The following CLVS1 variants were observed in gnomAD, a reference collection of about 807,000 sequenced individuals.
The protein encoded by CLVS1 is clavesin-1.
Under a neutral mutation model 33.1 loss-of-function variants are expected in CLVS1, and 10 were observed. The observed-to-expected ratio is 0.30, with a 90% confidence interval of 0.19 to 0.51. The LOEUF is 0.51. Among genes scored for constraint, CLVS1 ranks in the 20% least tolerant of loss-of-function variants. The probability of loss-of-function intolerance (pLI) is 0.97; values close to 1 mark genes in which losing one functional copy is unlikely to be tolerated. For synonymous variants in CLVS1, 163 were observed against 166.1 expected, an observed-to-expected ratio of 0.98 and a Z score of 0.14; for missense variants, 343 against 433.4, an observed-to-expected ratio of 0.79 and a Z score of 1.85.
At chr8:61,034,461 A>G in the CLVS1 span, among the ~76,000 whole-genome samples, 1 of 152,040 alleles carries the variant, frequency 6.6e-6, no homozygotes, top group African/African-American at 2.4e-5. Context: ...CATGCTGTGC[A>G]ATATATCTCA....
the CLVS1 span, among the ~76,000 whole-genome samples, chr8:60,988,950 G>T: frequency 5.3e-5 from 8 of 151,846 alleles, no homozygotes; most frequent in Admixed American, 3.3e-4. Flanking sequence ...CCACAGCCTT[G>T]ATCTCCCAGC....
chr8:61,289,491 T>C (rs369644833), intron 1 of CLVS1, among the ~76,000 whole-genome samples: 7 of 152,346 alleles, frequency 4.6e-5, no homozygotes, highest in East Asian at 3.9e-4. Context: ...TGGGTGTTCA[T>C]TTAATTGATT....
At chr8:61,122,496 T>C (rs1805891155) in intron 1 of CLVS1, among the ~76,000 whole-genome samples, 2 of 151,792 alleles carry the variant, frequency 1.3e-5, no homozygotes, top group South Asian at 4.2e-4. Context: ...AGCTTTTGGC[T>C]CACCTTACTT....
chr8:61,121,106 G>T (rs1314077061), intron 1 of CLVS1, among the ~76,000 whole-genome samples: 1 of 151,870 alleles, frequency 6.6e-6, no homozygotes, highest in African/African-American at 2.4e-5. Flanking sequence ...TGGGAAAAGC[G>T]CAGTATTCGG....
intron 5 of CLVS1, among the ~76,000 whole-genome samples, chr8:61,497,147 G>A (rs908776695): frequency 1.3e-5 from 2 of 152,102 alleles, no homozygotes; most frequent in African/African-American, 4.8e-5. Flanking sequence ...ACCCTTTTCT[G>A]TATTTGATAA....
intron 1 of CLVS1, among the ~76,000 whole-genome samples, chr8:61,066,534 A>G (rs1302354021): frequency 6.6e-6 from 1 of 152,124 alleles, no homozygotes; most frequent in Non-Finnish European, 1.5e-5. Context: ...TCCTAGATTG[A>G]TGGCTATAAA....
chr8:61,228,303 C>G (rs1808371016), intron 2 of CLVS1, among the ~76,000 whole-genome samples: 1 of 152,148 alleles, frequency 6.6e-6, no homozygotes, highest in South Asian at 2.1e-4. Context: ...AAGTACTTAT[C>G]ATTTTTGTGT....
intron 1 of CLVS1, among the ~76,000 whole-genome samples, chr8:61,130,567 G>A (rs1806075232): frequency 6.6e-6 from 1 of 152,178 alleles, no homozygotes; most frequent in Non-Finnish European, 1.5e-5. Context: ...GAGAAAATAT[G>A]TTTCTAAAAT....
At chr8:61,205,130 T>C (rs147034828) in intron 2 of CLVS1, among the ~76,000 whole-genome samples, 2 of 152,348 alleles carry the variant, frequency 1.3e-5, no homozygotes, top group Non-Finnish European at 2.9e-5. Flanking sequence ...TATTTAAAAA[T>C]TGTGGTTAAA....
At chr8:61,470,204 A>T (rs4487757) in intron 5 of CLVS1, among the ~76,000 whole-genome samples, 34,574 of 152,158 alleles carry the variant, frequency 0.23, 6,335 homozygotes, top group African/African-American at 0.51. Flanking sequence ...TACAAGCACA[A>T]CCTGTACAGC....
chr8:61,386,378 C>T (rs548162965), intron 3 of CLVS1, among the ~76,000 whole-genome samples: 1 of 152,248 alleles, frequency 6.6e-6, no homozygotes, highest in South Asian at 2.1e-4. Context: ...TGTAATTTTA[C>T]CTATACAGAA....
At chr8:61,365,778 T>C (rs202023784) in intron 2 of CLVS1, among the ~76,000 whole-genome samples, 5,369 of 112,428 alleles carry the variant, frequency 0.048, 175 homozygotes, top group East Asian at 0.25. Flanking sequence ...TGTGTGTGCG[T>C]GTGTGTGTGT....
chr8:61,270,331 T>A (rs1809408935), intron 2 of CLVS1, among the ~76,000 whole-genome samples: 1 of 152,254 alleles, frequency 6.6e-6, no homozygotes, highest in Non-Finnish European at 1.5e-5. Context: ...GATTTGCGTA[T>A]ATTGAACCAG....
At chr8:61,155,833 G>T (rs568850075) in intron 2 of CLVS1, among the ~76,000 whole-genome samples, 2 of 152,262 alleles carry the variant, frequency 1.3e-5, no homozygotes, top group South Asian at 2.1e-4. Context: ...ACACCTTAAA[G>T]GTCCCACAGA....
chr8:61,170,640 C>T lies in CLVS1; in HGVS notation c.-152+38780C>T, dbSNP rs1806975088. Among the ~76,000 whole-genome samples, 3 of 152,260 alleles carry T rather than the reference C, an allele frequency of 2.0e-5. No individual in the cohort carries two copies. The South Asian group carries it at 6.2e-4, about 32-fold the overall frequency. ...GAATAACCCTGGGTGATCCAAGCAT[C>T]CTCTCTGAGCCTTGACATCCTTACT... is the stretch of plus-strand genomic sequence containing the variant. On this transcript the variant is annotated intron_variant, in intron 2 of 2. Transcript: ENST00000522621.
rs1352838977 is a variant in CLVS1 at position 61,100,626 on chromosome 8, C to A, written c.-242-31144C>A. On this transcript the variant is annotated intron_variant, in intron 1 of 2. Transcript: ENST00000522621. ...TATAATCAATGGCTTTTAGTATATT[C>A]ACAGATTTGTGTAATCATTCACCAC... is the stretch of plus-strand genomic sequence containing the variant. Among the ~76,000 whole-genome samples, 3 of 152,096 alleles carry A rather than the reference C, an allele frequency of 2.0e-5. No homozygotes were observed. In the South Asian group the frequency reaches 6.2e-4, roughly 32 times the overall value.
intron 3 of CLVS1, among the ~76,000 whole-genome samples, chr8:61,396,577 A>G (rs1814535998): frequency 6.6e-6 from 1 of 152,186 alleles, no homozygotes; most frequent in Non-Finnish European, 1.5e-5. Context: ...TAAAGTGCAC[A>G]GTTAGTGCTT....
intron 2 of CLVS1, among the ~76,000 whole-genome samples, chr8:61,247,657 T>C (rs983807067): frequency 6.6e-6 from 1 of 152,216 alleles, no homozygotes; most frequent in African/African-American, 2.4e-5. Flanking sequence ...TTTTCTCTTA[T>C]ACATTTGTTT....
At chr8:61,372,738 T>G (rs1813490628) in intron 2 of CLVS1, among the ~76,000 whole-genome samples, 1 of 152,196 alleles carries the variant, frequency 6.6e-6, no homozygotes, top group Admixed American at 6.5e-5. Context: ...TTGATAAACT[T>G]GACAATTTTG....
Sources: gnomAD v4.1 joint callset for allele counts (sites outside exome capture counted in the v4.1 genomes callset) on GRCh38, gnomAD v4.1.1 for gene constraint, MANE v1.5 for transcripts, NCBI Gene and HGNC (gene_info 2026-07-23, HGNC 2026-07-21) for gene names.